CALU: variants seen among roughly 807,000 people sequenced by gnomAD.
CALU encodes IEF SSP 9302.
CALU carries 13 observed loss-of-function variants against 37.5 expected under a neutral mutation model. That is an observed-to-expected ratio of 0.35 (90% CI 0.23 to 0.55). The LOEUF is 0.55. Among genes scored for constraint, CALU ranks in the 20% least tolerant of loss-of-function variants. CALU has a pLI of 0.89. For missense variants in CALU, 282 were observed against 391.7 expected (o/e 0.72, Z 2.36); for synonymous variants, 114 against 133.8 (o/e 0.85, Z 1.02).
At chr7:128,752,710 A>C (rs1343851978) in intron 2 of CALU, among the ~76,000 whole-genome samples, 1 of 152,164 alleles carries the variant, frequency 6.6e-6, no homozygotes, top group East Asian at 1.9e-4. Flanking sequence ...TCTGAGACGA[A>C]GTCTTGCTCT....
At chr7:128,759,062 C>A in intron 4 of CALU, 25 bp downstream of exon 4, 1 of 1,582,162 alleles carries the variant, frequency 6.3e-7, no homozygotes, top group South Asian at 1.1e-5. Context: ...GGATTCTGAA[C>A]AGGGACTCAG....
At chr7:128,768,459 C>T (rs1801415167) in intron 6 of CALU, among the ~76,000 whole-genome samples, 1 of 152,166 alleles carries the variant, frequency 6.6e-6, no homozygotes, top group South Asian at 2.1e-4. Flanking sequence ...AGAGTTTTCT[C>T]CTCATGAAAC....
intron 5 of CALU, among the ~76,000 whole-genome samples, chr7:128,760,232 G>A (rs1355706739): frequency 6.6e-6 from 1 of 152,042 alleles, no homozygotes; most frequent in Non-Finnish European, 1.5e-5. Context: ...TTTGCCCATA[G>A]AAACAATTTA....
chr7:128,741,710 G>T (rs1255279822), intron 1 of CALU, among the ~76,000 whole-genome samples: 1 of 152,150 alleles, frequency 6.6e-6, no homozygotes, highest in Non-Finnish European at 1.5e-5. Context: ...ACAGTGTCAC[G>T]CATGTTACAC....
chr7:128,746,134 G>A (rs913211127), intron 1 of CALU, among the ~76,000 whole-genome samples: 1 of 151,448 alleles, frequency 6.6e-6, no homozygotes, highest in Non-Finnish European at 1.5e-5. Flanking sequence ...CCATTTCACT[G>A]CAGATAGATG....
intron 1 of CALU, among the ~76,000 whole-genome samples, chr7:128,741,293 A>G (rs73236091): frequency 0.036 from 5,522 of 152,356 alleles, 248 homozygotes; most frequent in East Asian, 0.18. Flanking sequence ...GAACACAGGC[A>G]GGCAGGAACC....
chr7:128,773,209 TGGAAG>T lies in CALU; in HGVS notation c.*4047_*4051del, dbSNP rs1254758654. On this transcript the variant is annotated 3_prime_UTR_variant, in exon 7 of 7. Transcript: ENST00000249364. ...ACACATGCTCGTGCAGGCTAAAAGT[TGGAAG>T]GGAAATGATTAAGAAATTATTAAAT... Among the ~76,000 whole-genome samples the T allele has an allele frequency of 6.6e-6, 1 of 152,242 alleles. No individual in the cohort carries two copies. Among genetic ancestry groups the T allele is most frequent in the Non-Finnish European group, 1.5e-5 (1 of 68,044 alleles).
At chr7:128,766,518 T>G (rs1025898881) in intron 5 of CALU, among the ~76,000 whole-genome samples, 26 of 145,842 alleles carry the variant, frequency 1.8e-4, no homozygotes, top group African/African-American at 6.6e-4. Context: ...AACCTCTGCC[T>G]CCTGGGTTCA....
At chr7:128,757,525 G>A (rs529012409) in intron 3 of CALU, among the ~76,000 whole-genome samples, 2 of 152,232 alleles carry the variant, frequency 1.3e-5, no homozygotes, top group Admixed American at 1.3e-4. Flanking sequence ...TTTAAACTGT[G>A]CTTAAAGTAT....
chr7:128,746,767 T>C (rs997757939), intron 1 of CALU, among the ~76,000 whole-genome samples: 7 of 38,304 alleles, frequency 1.8e-4, no homozygotes, highest in African/African-American at 3.9e-4. Context: ...TCATTCTTTT[T>C]TTTTTTTTTT....
intron 2 of CALU, among the ~76,000 whole-genome samples, chr7:128,752,152 C>T (rs1300357307): frequency 1.3e-5 from 2 of 151,298 alleles, no homozygotes; most frequent in Admixed American, 6.6e-5. Flanking sequence ...AAAAAAAATA[C>T]ACACACACAC....
In CALU at chr7:128,759,040, G is replaced by A; in HGVS notation, c.582+3G>A. On this transcript the variant is annotated splice_donor_region_variant and intron_variant, in intron 4 of 6. Coordinates refer to ENST00000249364, the MANE Select transcript of CALU (RefSeq NM_001219.5). ...ACATGAAAGATATAGTAGTACAGGTGGGTGAGATGAAGGATTCTGAACAGG... is the reference window on the plus strand; with the variant it reads ...ACATGAAAGATATAGTAGTACAGGTAGGTGAGATGAAGGATTCTGAACAGG... 1 of 1,606,770 alleles carries A rather than the reference G, an allele frequency of 6.2e-7. No individual in the cohort carries two copies. The highest frequency in any genetic ancestry group is 8.5e-7 in the Non-Finnish European group (1 of 1,176,568).
intron 5 of CALU, among the ~76,000 whole-genome samples, chr7:128,765,124 A>G (rs1336099534): frequency 6.6e-6 from 1 of 152,170 alleles, no homozygotes; most frequent in Non-Finnish European, 1.5e-5. Context: ...TACATTGCCC[A>G]GGCTGGTCTG....
At chr7:128,744,866 G>A (rs1420227304) in intron 1 of CALU, among the ~76,000 whole-genome samples, 1 of 152,168 alleles carries the variant, frequency 6.6e-6, no homozygotes, top group Non-Finnish European at 1.5e-5. Context: ...AAATGGGTGA[G>A]TGATAAAGCT....
At chr7:128,754,672 G>A (rs1286664656) in intron 3 of CALU, 1 of 1,552,262 alleles carries the variant, frequency 6.4e-7, no homozygotes, top group African/African-American at 1.4e-5. Flanking sequence ...AATCAAGACG[G>A]CTTAATCTCC....
intron 3 of CALU, 116 bp from the exon 4 acceptor site, chr7:128,758,755 A>G: frequency 2.7e-6 from 2 of 732,486 alleles, no homozygotes; most frequent in Non-Finnish European, 2.3e-6. Flanking sequence ...TACCTGTGTC[A>G]TCAATTATTT....
chr7:128,760,827 G>A (rs530977128), intron 5 of CALU, among the ~76,000 whole-genome samples: 194 of 152,314 alleles, frequency 1.3e-3, no homozygotes, highest in African/African-American at 4.5e-3. Context: ...AGAATGGCAT[G>A]AACCCAGGAG....
intron 5 of CALU, among the ~76,000 whole-genome samples, chr7:128,760,469 C>G (rs901901228): frequency 5.3e-5 from 8 of 151,406 alleles, no homozygotes; most frequent in African/African-American, 1.9e-4. Context: ...TCTATAATTT[C>G]CACTTAATGT....
At chr7:128,752,801 C>G (rs1800728381) in intron 2 of CALU, among the ~76,000 whole-genome samples, 1 of 152,186 alleles carries the variant, frequency 6.6e-6, no homozygotes, top group Non-Finnish European at 1.5e-5. Flanking sequence ...TCTCCTGCCT[C>G]AGCCTCCTGA....
Sources: allele counts gnomAD v4.1 joint callset (sites outside exome capture counted in the v4.1 genomes callset), GRCh38; gene constraint gnomAD v4.1.1; transcripts MANE v1.5; gene names NCBI Gene and HGNC (gene_info 2026-07-23, HGNC 2026-07-21).